SLC26A7: variants seen among roughly 807,000 people sequenced by gnomAD.
The protein encoded by SLC26A7 is anion exchange transporter.
SLC26A7 carries 59 observed loss-of-function variants against 82.5 expected under a neutral mutation model. That is an observed-to-expected ratio of 0.72 (90% CI 0.58 to 0.89). The LOEUF (loss-of-function observed/expected upper bound fraction) is 0.89. Ranked by LOEUF, SLC26A7 falls within the 40% of genes least tolerant of loss-of-function variation. SLC26A7 has a pLI of 0.00. For missense variants in SLC26A7, 820 were observed against 793.0 expected (o/e 1.03, Z -0.41); for synonymous variants, 271 against 274.3 (o/e 0.99, Z 0.12).
chr8:91,331,594 T>C (rs1813083066), intron 5 of SLC26A7, among the ~76,000 whole-genome samples: 1 of 152,194 alleles, frequency 6.6e-6, no homozygotes, highest in South Asian at 2.1e-4. Flanking sequence ...TTTATTGAGA[T>C]ATAATTGCCA....
intron 3 of SLC26A7, among the ~76,000 whole-genome samples, chr8:91,294,156 A>G (rs796814269): frequency 6.6e-6 from 1 of 152,256 alleles, no homozygotes; most frequent in South Asian, 2.1e-4. Context: ...ACATACAATG[A>G]TAGACCATAA....
chr8:91,368,719 G>A (rs947766599), intron 14 of SLC26A7, among the ~76,000 whole-genome samples: 7 of 152,082 alleles, frequency 4.6e-5, no homozygotes, highest in Non-Finnish European at 8.8e-5. Flanking sequence ...CACCACGCCC[G>A]GCCCAGATGA....
At chr8:91,389,834 G>A (rs898181179) in intron 16 of SLC26A7, among the ~76,000 whole-genome samples, 3 of 152,148 alleles carry the variant, frequency 2.0e-5, no homozygotes, top group Non-Finnish European at 2.9e-5. Context: ...CTTACATCAC[G>A]GTTGGGTACA....
chr8:91,326,610 A>T (rs1211654864), intron 5 of SLC26A7, among the ~76,000 whole-genome samples: 2 of 152,152 alleles, frequency 1.3e-5, no homozygotes, highest in Non-Finnish European at 2.9e-5. Flanking sequence ...TAGGATTTGA[A>T]CATATGAATA....
chr8:91,389,282 C>A, intron 15 of SLC26A7, 56 bp from the exon 16 acceptor site: 1 of 1,285,328 alleles, frequency 7.8e-7, no homozygotes, highest in Non-Finnish European at 1.1e-6. Flanking sequence ...TCAACAAAGC[C>A]AGCAGCAGAA....
intron 2 of SLC26A7, among the ~76,000 whole-genome samples, chr8:91,287,586 A>G (rs1811745938): frequency 6.6e-6 from 1 of 152,212 alleles, no homozygotes; most frequent in Admixed American, 6.5e-5. Context: ...CCACTGATTT[A>G]GTCAATCTGT....
At chr8:91,366,844 T>G in intron 14 of SLC26A7, 127 bp downstream of exon 14, 1 of 1,048,368 alleles carries the variant, frequency 9.5e-7, no homozygotes, top group Non-Finnish European at 1.4e-6. Context: ...CAGCAAAACC[T>G]ATGATTATTT....
At position 91,340,461 on chromosome 8, in the gene SLC26A7, T is replaced by G. The variant is rs1172465348; in HGVS notation, c.936T>G (p.Ala312=). Residue 312 remains alanine, a synonymous_variant, in exon 8 of 19, where the codon GCT becomes GCG. Coordinates refer to ENST00000276609, the MANE Select transcript of SLC26A7 (RefSeq NM_052832.4). ...MNILSAVITE[A]FGVALVGYVA... is the part of the protein sequence containing the mutation. ...TCCTCTCTGCGGTGATCACTGAAGC[T>G]TTCGGAGTGGCACTTGTAGGCTATG... 1 of 1,613,994 alleles carries G rather than the reference T, an allele frequency of 6.2e-7. No individual in the cohort carries two copies. Among genetic ancestry groups the G allele is most frequent in the Admixed American group, 1.7e-5 (1 of 59,996 alleles).
At chr8:91,393,520 T>C (rs908870745) in intron 16 of SLC26A7, among the ~76,000 whole-genome samples, 1 of 152,098 alleles carries the variant, frequency 6.6e-6, no homozygotes, top group Non-Finnish European at 1.5e-5. Flanking sequence ...ATCATTCTTA[T>C]AGGGCAGCAG....
chr8:91,383,794 C>T (rs972928078), intron 15 of SLC26A7, among the ~76,000 whole-genome samples: 1 of 152,172 alleles, frequency 6.6e-6, no homozygotes, highest in Non-Finnish European at 1.5e-5. Flanking sequence ...TACTTAACTT[C>T]CAATCATTAT....
intron 4 of SLC26A7, among the ~76,000 whole-genome samples, chr8:91,296,613 G>A (rs1563666146): frequency 6.6e-6 from 1 of 152,160 alleles, no homozygotes; most frequent in Non-Finnish European, 1.5e-5. Context: ...TTGCCTTCTA[G>A]CTAGGTGAAA....
chr8:91,347,192 C>T (rs1219880420), intron 9 of SLC26A7, among the ~76,000 whole-genome samples: 1 of 152,134 alleles, frequency 6.6e-6, no homozygotes, highest in Admixed American at 6.6e-5. Flanking sequence ...ACCAGTTTTG[C>T]TGACATTAGA....
intron 18 of SLC26A7, chr8:91,394,551 G>A: frequency 8.1e-7 from 1 of 1,240,974 alleles, no homozygotes; most frequent in South Asian, 2.6e-5. Context: ...TGTTCTTAGA[G>A]CTTTAATTTC....
chr8:91,233,827 T>C (rs1326945927), intron 2 of SLC26A7, among the ~76,000 whole-genome samples: 2 of 152,204 alleles, frequency 1.3e-5, no homozygotes, highest in Non-Finnish European at 2.9e-5. Flanking sequence ...ATCTTTTGAA[T>C]TTCCTTGTTG....
At chr8:91,304,403 A>T (rs7817419) in intron 4 of SLC26A7, among the ~76,000 whole-genome samples, 11 of 151,978 alleles carry the variant, frequency 7.2e-5, no homozygotes, top group Non-Finnish European at 1.3e-4. Context: ...CCTTCTTTCT[A>T]TCTCTCTCCT....
intron 11 of SLC26A7, among the ~76,000 whole-genome samples, chr8:91,360,444 A>T (rs1052327012): frequency 1.2e-4 from 19 of 152,214 alleles, no homozygotes; most frequent in African/African-American, 4.6e-4. Flanking sequence ...AACAGGAATT[A>T]TTACAGAATG....
chr8:91,321,626 T>A (rs1812792754), intron 5 of SLC26A7, among the ~76,000 whole-genome samples: 1 of 152,202 alleles, frequency 6.6e-6, no homozygotes. Flanking sequence ...GCCTAACTTA[T>A]CCTTTTATTT....
At chr8:91,339,929 T>C (rs1253122702) in intron 7 of SLC26A7, among the ~76,000 whole-genome samples, 1 of 152,170 alleles carries the variant, frequency 6.6e-6, no homozygotes, top group Non-Finnish European at 1.5e-5. Context: ...GTTAAAAACA[T>C]AATTAAGATA....
intron 2 of SLC26A7, among the ~76,000 whole-genome samples, chr8:91,262,010 G>C (rs1280832875): frequency 6.6e-6 from 1 of 152,024 alleles, no homozygotes; most frequent in Admixed American, 6.6e-5. Context: ...CTCCTACCAG[G>C]AAATGTATCC....
Sources: allele counts gnomAD v4.1 joint callset (sites outside exome capture counted in the v4.1 genomes callset), GRCh38; gene constraint gnomAD v4.1.1; transcripts MANE v1.5; gene names NCBI Gene and HGNC (gene_info 2026-07-23, HGNC 2026-07-21).